Variants in LRMDA observed in about 807,000 individuals in gnomAD.
The protein encoded by LRMDA is leucine-rich melanocyte differentiation-associated protein.
Under a neutral mutation model 29.8 loss-of-function variants are expected in LRMDA, and 18 were observed. That is an observed-to-expected ratio of 0.60 (90% CI 0.42 to 0.90). The LOEUF (loss-of-function observed/expected upper bound fraction) is 0.90, where lower values mean the gene tolerates loss of function less well. Ranked by LOEUF, LRMDA falls within the 40% of genes least tolerant of loss-of-function variation. The probability of loss-of-function intolerance (pLI) is 0.00; values close to 1 mark genes in which losing one functional copy is unlikely to be tolerated. For missense variants in LRMDA, 273 were observed against 273.9 expected, an observed-to-expected ratio of 1.00 and a Z score of 0.02; for synonymous variants, 125 against 109.4, an observed-to-expected ratio of 1.14 and a Z score of -0.89.
chr10:75,500,110 C>G (rs1845094184), intron 2 of LRMDA, among the ~76,000 whole-genome samples: 1 of 151,996 alleles, frequency 6.6e-6, no homozygotes, highest in Non-Finnish European at 1.5e-5. Flanking sequence ...GTCAAATAGC[C>G]CCACACTGAG....
intron 6 of LRMDA, among the ~76,000 whole-genome samples, chr10:76,477,752 T>C (rs556984263): frequency 1.3e-5 from 2 of 152,140 alleles, no homozygotes; most frequent in Non-Finnish European, 2.9e-5. Flanking sequence ...ATACCACACA[T>C]GTACAACTCT....
chr10:75,785,831 T>G (rs993862826), intron 2 of LRMDA, among the ~76,000 whole-genome samples: 1 of 152,256 alleles, frequency 6.6e-6, no homozygotes, highest in African/African-American at 2.4e-5. Flanking sequence ...CCAGTACCCC[T>G]GCCTTCGATT....
At chr10:76,120,721 A>G (rs1849770459) in intron 5 of LRMDA, among the ~76,000 whole-genome samples, 1 of 152,194 alleles carries the variant, frequency 6.6e-6, no homozygotes, top group Non-Finnish European at 1.5e-5. Flanking sequence ...TTGAGCTTGT[A>G]CATACCAAGG....
intron 6 of LRMDA, among the ~76,000 whole-genome samples, chr10:76,385,556 A>G (rs1021730197): frequency 2.6e-5 from 4 of 152,334 alleles, no homozygotes; most frequent in East Asian, 3.9e-4. Context: ...AGAAGCAGGC[A>G]GAGTGTAGTA....
chr10:76,134,940 T>C (rs1467341590), intron 5 of LRMDA, among the ~76,000 whole-genome samples: 3 of 152,018 alleles, frequency 2.0e-5, no homozygotes, highest in Admixed American at 6.5e-5. Flanking sequence ...AATTATGAAA[T>C]GGAAAAAGGA....
At chr10:76,495,626 A>T (rs564384823) in intron 6 of LRMDA, among the ~76,000 whole-genome samples, 1 of 151,940 alleles carries the variant, frequency 6.6e-6, no homozygotes, top group African/African-American at 2.4e-5. Context: ...ATTCATGAAC[A>T]TGGTATACCT....
intron 6 of LRMDA, among the ~76,000 whole-genome samples, chr10:76,353,811 G>T (rs1217540022): frequency 1.3e-5 from 2 of 152,154 alleles, no homozygotes; most frequent in Non-Finnish European, 2.9e-5. Flanking sequence ...ATGTTTTCTG[G>T]TTTTTCCAAA....
intron 5 of LRMDA, chr10:76,260,915 A>C (rs1328166182): frequency 6.6e-6 from 1 of 152,208 alleles, no homozygotes; most frequent in Non-Finnish European, 1.5e-5. Context: ...TTTAAGAAAT[A>C]AATTTTGATA....
intron 5 of LRMDA, among the ~76,000 whole-genome samples, chr10:76,129,436 A>C (rs956838214): frequency 2.0e-5 from 3 of 152,288 alleles, no homozygotes; most frequent in African/African-American, 7.2e-5. Context: ...ATTGGTTCGG[A>C]GACTGAACGC....
intron 6 of LRMDA, among the ~76,000 whole-genome samples, chr10:76,401,285 A>G (rs1024109311): frequency 1.1e-4 from 17 of 152,290 alleles, no homozygotes; most frequent in Non-Finnish European, 2.4e-4. Flanking sequence ...ACAGCAAAAC[A>G]GAAGTGGTTT....
At chr10:75,478,836 G>T (rs1844825072) in intron 2 of LRMDA, among the ~76,000 whole-genome samples, 1 of 152,112 alleles carries the variant, frequency 6.6e-6, no homozygotes, top group Non-Finnish European at 1.5e-5. Flanking sequence ...GTTAGAAATG[G>T]AGCTCTCTTG....
At chr10:76,009,758 G>A (rs1847741138) in intron 2 of LRMDA, among the ~76,000 whole-genome samples, 1 of 152,216 alleles carries the variant, frequency 6.6e-6, no homozygotes, top group East Asian at 1.9e-4. Context: ...CCTGAAATGG[G>A]TGGGTAAATA....
At chr10:75,692,220 A>G (rs1348125150) in intron 2 of LRMDA, among the ~76,000 whole-genome samples, 1 of 61,310 alleles carries the variant, frequency 1.6e-5, no homozygotes, top group African/African-American at 5.1e-5. Flanking sequence ...AAAAAAAAAA[A>G]TATATATATA....
At chr10:75,519,041 A>G (rs572074209) in intron 2 of LRMDA, among the ~76,000 whole-genome samples, 1 of 152,110 alleles carries the variant, frequency 6.6e-6, no homozygotes, top group Non-Finnish European at 1.5e-5. Context: ...TCTGAGTTCT[A>G]ATTTGATTAC....
At chr10:75,539,722 T>C (rs1839992995) in intron 2 of LRMDA, among the ~76,000 whole-genome samples, 1 of 152,198 alleles carries the variant, frequency 6.6e-6, no homozygotes, top group African/African-American at 2.4e-5. Context: ...TCTCAGAGAT[T>C]TGGCTTAGTA....
At chr10:75,771,050 A>G (rs1843233515) in intron 2 of LRMDA, among the ~76,000 whole-genome samples, 1 of 152,190 alleles carries the variant, frequency 6.6e-6, no homozygotes, top group South Asian at 2.1e-4. Flanking sequence ...CTTGACACAA[A>G]GCATGAGAAA....
At chr10:76,039,245 C>T (rs1375890753) in intron 3 of LRMDA, among the ~76,000 whole-genome samples, 1 of 152,154 alleles carries the variant, frequency 6.6e-6, no homozygotes, top group Non-Finnish European at 1.5e-5. Context: ...CCCAGGAGAC[C>T]TTGGCATTGG....
intron 6 of LRMDA, among the ~76,000 whole-genome samples, chr10:76,457,577 T>C (rs1341135159): frequency 6.6e-6 from 1 of 152,134 alleles, no homozygotes; most frequent in Non-Finnish European, 1.5e-5. Context: ...TGTATGGTAT[T>C]CCTAAGCCCA....
At chr10:76,204,014 ATTTCATGTGCCTGTCCACCCATCTCT>A (rs1851485914) in intron 5 of LRMDA, among the ~76,000 whole-genome samples, 2 of 123,450 alleles carry the variant, frequency 1.6e-5, no homozygotes, top group African/African-American at 3.2e-5. Flanking sequence ...ACCCATCTCT[ATTTCATGTGCCTGTCCACCCATCTCT>A]ATTCCATGTG....
Sources: gnomAD v4.1 joint callset for allele counts (sites outside exome capture counted in the v4.1 genomes callset) on GRCh38, gnomAD v4.1.1 for gene constraint, MANE v1.5 for transcripts, NCBI Gene and HGNC (gene_info 2026-07-23, HGNC 2026-07-21) for gene names.